SRGAP2: variants seen among roughly 807,000 people sequenced by gnomAD.
SRGAP2 encodes the protein SLIT-ROBO Rho GTPase-activating protein 2.
Under a neutral mutation model 57.2 loss-of-function variants are expected in SRGAP2, and 15 were observed. The ratio of observed to expected loss-of-function variants is 0.26; its 90% CI spans 0.18 to 0.40. The LOEUF (loss-of-function observed/expected upper bound fraction) is 0.40, where lower values mean the gene tolerates loss of function less well. Among genes scored for constraint, SRGAP2 ranks in the 10% least tolerant of loss-of-function variants. SRGAP2 has a pLI of 1.00. For synonymous variants in SRGAP2, 249 were observed against 248.0 expected (o/e 1.00, Z -0.04); for missense variants, 520 against 669.6 (o/e 0.78, Z 2.47).
chr1:206,251,013 T>TA (rs1391219039), intron 2 of SRGAP2, among the ~76,000 whole-genome samples: 1 of 151,832 alleles, frequency 6.6e-6, no homozygotes, highest in Non-Finnish European at 1.5e-5. Flanking sequence ...AAAAAAGACT[T>TA]ACATTTACTT....
Position 206,314,578 on chromosome 1 carries a change from C to T in SRGAP2, c.260+11105C>T, listed in dbSNP as rs545903141. Among the ~76,000 whole-genome samples, 13 of 152,248 alleles carry T rather than the reference C, an allele frequency of 8.5e-5. No individual in the cohort carries two copies. The East Asian group carries it at 2.5e-3, about 29-fold the overall frequency. On this transcript the variant is annotated intron_variant, in intron 3 of 22. Coordinates refer to ENST00000573034, the MANE Select transcript of SRGAP2 (RefSeq NM_015326.5). ...TTCTAGTAGTTGACAAAATGAATGG[C>T]TGTATGCAGGGCTAAAGAGATTTTT...
chr1:206,335,671 A>T (rs1411351330), intron 3 of SRGAP2, among the ~76,000 whole-genome samples: 2 of 151,422 alleles, frequency 1.3e-5, no homozygotes, highest in African/African-American at 4.9e-5. Flanking sequence ...GACATCAGGG[A>T]CTCAGAGAAG....
In SRGAP2 at chr1:206,461,126, G is replaced by A. The variant is rs782149743; in HGVS notation, c.2922G>A (p.Leu974=). The A allele has an allele frequency of 9.0e-6, 7 of 780,272 alleles. No homozygotes were observed. Among genetic ancestry groups the A allele is most frequent in the Non-Finnish European group, 1.7e-5 (7 of 417,690 alleles). The allele number at this position is 780,272 out of a possible 1,614,324, so 48.3% of individuals were successfully genotyped here. ...TCAAACACACCCCTGACGTGGTTCT[G>A]GACACCTTGGAGCCCCTCAAAACCT... ...SSVKHTPDVV[L]DTLEPLKTSP... The change falls in exon 23 of 23, where the codon CTG becomes CTA. Residue 974 remains leucine (L), a synonymous_variant. Transcript: ENST00000573034.
chr1:206,275,782 A>G (rs1670376002), intron 2 of SRGAP2, among the ~76,000 whole-genome samples: 1 of 151,244 alleles, frequency 6.6e-6, no homozygotes. Flanking sequence ...ATGCCCAGCT[A>G]ATTTTTGTAT....
chr1:206,460,784 A>G (rs1003945965), intron 22 of SRGAP2, among the ~76,000 whole-genome samples: 21 of 151,000 alleles, frequency 1.4e-4, no homozygotes, highest in African/African-American at 5.1e-4. Flanking sequence ...ATCTATCTCT[A>G]AAACCTAGGG....
chr1:206,207,669 A>G (rs1166400057), intron 2 of SRGAP2: 35 of 136,180 alleles, frequency 2.6e-4, no homozygotes, highest in Admixed American at 5.1e-4. Flanking sequence ...AACTGTTGCC[A>G]TCGGGAGTGT....
chr1:206,399,474 G>T (rs1303720048), intron 7 of SRGAP2, among the ~76,000 whole-genome samples: 1 of 151,316 alleles, frequency 6.6e-6, no homozygotes. Flanking sequence ...AAAATGAGAG[G>T]TATTTTAGGT....
chr1:206,380,426 C>T (rs1400258624), intron 4 of SRGAP2, among the ~76,000 whole-genome samples: 3 of 147,616 alleles, frequency 2.0e-5, no homozygotes, highest in Non-Finnish European at 4.4e-5. Flanking sequence ...ACTTCCCATC[C>T]GATAGAACCA....
chr1:206,346,751 C>CT (rs564732441), intron 4 of SRGAP2, among the ~76,000 whole-genome samples: 34 of 152,188 alleles, frequency 2.2e-4, no homozygotes, highest in Admixed American at 2.1e-3. Context: ...TTTTAAAAAT[C>CT]TTTTTTTAAT....
chr1:206,433,881 G>A (rs1661490996), intron 14 of SRGAP2, among the ~76,000 whole-genome samples: 2 of 152,224 alleles, frequency 1.3e-5, no homozygotes, highest in African/African-American at 2.4e-5. Flanking sequence ...ATATGGATTA[G>A]CAATTCTAAA....
chr1:206,363,612 A>T (rs1398817120), intron 4 of SRGAP2, among the ~76,000 whole-genome samples: 2 of 151,698 alleles, frequency 1.3e-5, no homozygotes, highest in Non-Finnish European at 2.9e-5. Context: ...TCATCTTAGT[A>T]TCCTCTAATC....
At position 206,421,254 on chromosome 1, in the gene SRGAP2, A is replaced by G; in HGVS notation, c.1474A>G (p.Ser492Gly). The G allele has an allele frequency of 1.3e-6, 1 of 778,782 alleles. No individual in the cohort carries two copies. The highest frequency in any genetic ancestry group is 1.3e-5 in the South Asian group (1 of 74,162). The allele number at this position is 778,782 out of a possible 1,614,324, so 48.2% of individuals were successfully genotyped here. Residue 492 changes from serine to glycine, a missense_variant, in exon 13 of 23, where the codon AGC becomes GGC. Around this residue, in one of 5 missense-constraint regions of SRGAP2, gnomAD observed 478 missense variants for 373.6 expected, o/e 1.28. Coordinates refer to ENST00000573034, the MANE Select transcript of SRGAP2 (RefSeq NM_015326.5). ...QRTDCSLARR[S>G]STVRKQDSSQ... ...ATTCGGCGGGATTGGTCACAGGCGCAGCTCAACTGTGAGGAAACAGGTAAG... is the reference window on the plus strand; with the variant it reads ...ATTCGGCGGGATTGGTCACAGGCGCGGCTCAACTGTGAGGAAACAGGTAAG...
chr1:206,374,174 G>A (rs1270978767), intron 4 of SRGAP2, among the ~76,000 whole-genome samples: 9 of 151,304 alleles, frequency 5.9e-5, no homozygotes, highest in Admixed American at 2.6e-4. Context: ...ACAGGCGCCC[G>A]CCACTACGCC....
chr1:206,370,832 G>C (rs1654483096), intron 4 of SRGAP2, among the ~76,000 whole-genome samples: 1 of 149,336 alleles, frequency 6.7e-6, no homozygotes, highest in South Asian at 2.1e-4. Flanking sequence ...TGTAGATCAA[G>C]TAGCAGATTA....
chr1:206,270,900 G>A (rs1157012194), intron 2 of SRGAP2, among the ~76,000 whole-genome samples: 2 of 11,852 alleles, frequency 1.7e-4, no homozygotes, highest in East Asian at 3.4e-3. Flanking sequence ...GTTTTGTATT[G>A]AGAATGTTTC....
chr1:206,326,783 C>T (rs556658074), intron 3 of SRGAP2, among the ~76,000 whole-genome samples: 4 of 152,278 alleles, frequency 2.6e-5, no homozygotes, highest in South Asian at 2.1e-4. Flanking sequence ...ATGATTCTTT[C>T]GTTTAAAGTC....
intron 13 of SRGAP2, among the ~76,000 whole-genome samples, chr1:206,424,278 G>A (rs903192081): frequency 5.3e-5 from 8 of 152,270 alleles, no homozygotes; most frequent in South Asian, 2.1e-4. Flanking sequence ...ATAAAAAAGT[G>A]TATGAAGGAA....
At chr1:206,240,392 T>C (rs1668148562) in intron 2 of SRGAP2, among the ~76,000 whole-genome samples, 1 of 152,150 alleles carries the variant, frequency 6.6e-6, no homozygotes, top group Non-Finnish European at 1.5e-5. Context: ...CTTTTGAGCA[T>C]GTCTGTGTAA....
At chr1:206,263,698 C>G (rs1669707482) in intron 2 of SRGAP2, among the ~76,000 whole-genome samples, 1 of 152,162 alleles carries the variant, frequency 6.6e-6, no homozygotes, top group African/African-American at 2.4e-5. Flanking sequence ...GTGCTGGGCA[C>G]TGTTAGGTTG....
Sources: gnomAD v4.1 joint callset for allele counts (sites outside exome capture counted in the v4.1 genomes callset) on GRCh38, gnomAD v4.1.1 for gene constraint, gnomAD v4.1.1 regional missense constraint, MANE v1.5 for transcripts, NCBI Gene and HGNC (gene_info 2026-07-23, HGNC 2026-07-21) for gene names.